FXN: variants seen among roughly 807,000 people sequenced by gnomAD.
FXN encodes the protein frataxin, mitochondrial.
A neutral mutation model predicts 22.4 loss-of-function variants in FXN; 14 were observed. The ratio of observed to expected loss-of-function variants is 0.62; its 90% CI spans 0.41 to 0.98. The LOEUF is 0.98. FXN is among the 50% of genes least tolerant of loss of function. The pLI is 0.00. For synonymous variants in FXN, 120 were observed against 114.1 expected (o/e 1.05, Z -0.33); for missense variants, 267 against 268.4 (o/e 0.99, Z 0.04).
chr9:69,036,545 A>G (rs1384547609), intron 1 of FXN, among the ~76,000 whole-genome samples: 1 of 152,168 alleles, frequency 6.6e-6, no homozygotes, highest in Admixed American at 6.5e-5. Flanking sequence ...CCCGACCTTT[A>G]TTCCAGATTC....
Position 69,035,931 on chromosome 9 carries a change from G to A in FXN, c.149G>A (p.Cys50Tyr), listed in dbSNP as rs1376272802. ...RGLRTDIDAT[C>Y]TPRRASSNQR... ...CTGCGCACCGACATCGATGCGACCT[G>A]CACGCCCCGCCGCGCAGTAAGTATC... The change falls in exon 1 of 5, where the codon TGC (cysteine) becomes TAC (tyrosine). Residue 50 changes from cysteine to tyrosine, a missense_variant. Coordinates refer to ENST00000484259, the MANE Select transcript of FXN (RefSeq NM_000144.5). 2.0e-6 allele frequency: 3 copies of A among 1,473,926 alleles called. No homozygotes were observed. Among genetic ancestry groups the A allele is most frequent in the Non-Finnish European group, 2.7e-6 (3 of 1,118,396 alleles). The allele number at this position is 1,473,926 out of a possible 1,614,324, so 91.3% of individuals were successfully genotyped here.
At chr9:69,047,463 T>A (rs1435430919) in intron 2 of FXN, among the ~76,000 whole-genome samples, 1 of 152,138 alleles carries the variant, frequency 6.6e-6, no homozygotes, top group East Asian at 1.9e-4. Flanking sequence ...ACTGGAGCCC[T>A]GCTGGGCAGC....
chr9:69,061,517 C>A (rs538524974), intron 3 of FXN, among the ~76,000 whole-genome samples: 2 of 152,102 alleles, frequency 1.3e-5, no homozygotes, highest in Admixed American at 1.3e-4. Flanking sequence ...ATTCTTTGAG[C>A]TCTTTTTTTT....
chr9:69,067,653 A>G (rs973209655), intron 4 of FXN, among the ~76,000 whole-genome samples: 5 of 152,242 alleles, frequency 3.3e-5, no homozygotes, highest in African/African-American at 1.2e-4. Context: ...TATCAACAAT[A>G]AAGATCATCC....
intron 4 of FXN, among the ~76,000 whole-genome samples, chr9:69,069,688 C>T (rs1477209599): frequency 6.6e-6 from 1 of 152,236 alleles, no homozygotes; most frequent in African/African-American, 2.4e-5. Context: ...GGTGCAAGGG[C>T]ACAGCTGGAG....
chr9:69,052,537 A>ATTTTT (rs56938732), intron 2 of FXN, among the ~76,000 whole-genome samples: 1 of 63,250 alleles, frequency 1.6e-5, no homozygotes. Flanking sequence ...TGCTGTTTAA[A>ATTTTT]TTTTTTTTTT....
chr9:69,050,051 T>G (rs1465723220), intron 2 of FXN, among the ~76,000 whole-genome samples: 1 of 152,210 alleles, frequency 6.6e-6, no homozygotes. Context: ...CTTTTCCTTC[T>G]AGTCATTAAC....
In FXN at chr9:69,077,774, A is replaced by G; in HGVS notation, c.*5012A>G. ...GTAAAACCCCGCCTCTACTAAAAAT[A>G]CAAAAATTAGCTGGCCGTAGTGGCG... On this transcript the variant is annotated 3_prime_UTR_variant, in exon 5 of 5. Coordinates refer to ENST00000484259, the MANE Select transcript of FXN (RefSeq NM_000144.5). 1 of 657,950 alleles carries G rather than the reference A, an allele frequency of 1.5e-6. No homozygotes were observed. Among genetic ancestry groups the G allele is most frequent in the Non-Finnish European group, 1.9e-6 (1 of 531,100 alleles). The allele number at this position is 657,950 out of a possible 1,614,324, so 40.8% of individuals were successfully genotyped here. A position where few individuals can be genotyped will look rare whatever the true frequency, so the allele number is the denominator to read the frequency against.
intron 1 of FXN, among the ~76,000 whole-genome samples, chr9:69,040,117 C>T (rs187836959): frequency 1.1e-4 from 16 of 152,250 alleles, no homozygotes; most frequent in Admixed American, 3.9e-4. Context: ...ACATGAGTTT[C>T]GGAGGTGACA....
At chr9:69,068,871 A>C (rs1046325653) in intron 4 of FXN, among the ~76,000 whole-genome samples, 4 of 152,196 alleles carry the variant, frequency 2.6e-5, no homozygotes, top group Non-Finnish European at 1.5e-5. Context: ...GACCTAGGTT[A>C]GTTTCTGAAA....
Position 69,037,280 on chromosome 9 carries a change from A to AG in FXN, c.165+1333_165+1334insG, listed in dbSNP as rs1380923642. Among the ~76,000 whole-genome samples, 4 of 65,224 alleles carry AG rather than the reference A, an allele frequency of 6.1e-5. No homozygotes were observed. The East Asian group carries it at 2.0e-3, about 32-fold the overall frequency. 42.8% of individuals were successfully genotyped at this position (65,224 alleles called of 152,430 possible). ...ATCTACTAAAAAATACAAAAAAAAAAAAAAAAGAAGAAGAAGAAGAAGAAA... is the reference window on the plus strand; with the variant it reads ...ATCTACTAAAAAATACAAAAAAAAAAGAAAAAAGAAGAAGAAGAAGAAGAAA... On this transcript the variant is annotated intron_variant, in intron 1 of 4. Coordinates refer to ENST00000484259, the MANE Select transcript of FXN (RefSeq NM_000144.5).
At chr9:69,061,888 GGTGTATAT>G (rs1832080666) in intron 3 of FXN, among the ~76,000 whole-genome samples, 1 of 152,072 alleles carries the variant, frequency 6.6e-6, no homozygotes, top group Admixed American at 6.5e-5. Context: ...AGTATTCCAT[GGTGTATAT>G]GTGCCACATT....
At position 69,064,931 on chromosome 9, in the gene FXN, C is replaced by T. The variant is rs777420129; in HGVS notation, c.385-7C>T. On this transcript the variant is annotated splice_region_variant and splice_polypyrimidine_tract_variant and intron_variant, in intron 3 of 4. Coordinates refer to ENST00000484259, the MANE Select transcript of FXN (RefSeq NM_000144.5). ...TCTTTATGCTTTTTTTCCACCTAAT[C>T]CCCTAGAGTGGTGTCTTAACTGTCA... 6.4e-7 allele frequency: 1 copy of T among 1,570,492 alleles called. No homozygotes were observed. The highest frequency in any genetic ancestry group is 1.1e-5 in the South Asian group (1 of 90,226).
intron 1 of FXN, chr9:69,036,175 A>G (rs1156329580): frequency 6.7e-6 from 2 of 299,674 alleles, no homozygotes; most frequent in Non-Finnish European, 5.8e-6. Context: ...AAAAGGGGAC[A>G]TTTTGTCCTG....
intron 3 of FXN, among the ~76,000 whole-genome samples, chr9:69,057,897 C>T (rs1455841055): frequency 1.3e-5 from 2 of 152,190 alleles, no homozygotes; most frequent in Non-Finnish European, 2.9e-5. Context: ...CCACCTATAA[C>T]ACACTGAGTT....
chr9:69,067,392 G>T (rs1299439476), intron 4 of FXN, among the ~76,000 whole-genome samples: 1 of 152,254 alleles, frequency 6.6e-6, no homozygotes, highest in South Asian at 2.1e-4. Flanking sequence ...GTTTCGGGCC[G>T]TCGTCATTGT....
chr9:69,050,034 C>T (rs1287601656), intron 2 of FXN, among the ~76,000 whole-genome samples: 1 of 152,014 alleles, frequency 6.6e-6, no homozygotes, highest in Non-Finnish European at 1.5e-5. Flanking sequence ...GTCATTAACC[C>T]CTCCCTCTTT....
intron 2 of FXN, among the ~76,000 whole-genome samples, chr9:69,048,818 A>G (rs1831803755): frequency 1.3e-5 from 2 of 152,202 alleles, no homozygotes; most frequent in Non-Finnish European, 2.9e-5. Flanking sequence ...CCTCCAGGTT[A>G]TCTGAGACTC....
At chr9:69,052,772 G>C (rs564396317) in intron 2 of FXN, among the ~76,000 whole-genome samples, 26 of 151,906 alleles carry the variant, frequency 1.7e-4, no homozygotes, top group African/African-American at 6.3e-4. Context: ...TCGATCTCCT[G>C]ACCGTGTTAT....
Sources: gnomAD v4.1 joint callset for allele counts (sites outside exome capture counted in the v4.1 genomes callset) on GRCh38, gnomAD v4.1.1 for gene constraint, MANE v1.5 for transcripts, NCBI Gene and HGNC (gene_info 2026-07-23, HGNC 2026-07-21) for gene names.